Variants in FHIT observed in about 807,000 individuals in gnomAD.
The protein encoded by FHIT is bis(5'-adenosyl)-triphosphatase.
FHIT carries 19 observed loss-of-function variants against 17.9 expected under a neutral mutation model. That is an observed-to-expected ratio of 1.06 (90% confidence interval 0.74 to 1.56). FHIT has a LOEUF of 1.56. FHIT is among the 40% of genes most tolerant of loss of function. FHIT has a pLI of 0.00. For missense variants in FHIT, 248 were observed against 189.2 expected (o/e 1.31, Z -1.82); for synonymous variants, 81 against 69.7 (o/e 1.16, Z -0.81).
intron 2 of FHIT, among the ~76,000 whole-genome samples, chr3:61,104,154 T>A (rs1279400810): frequency 6.6e-6 from 1 of 152,062 alleles, no homozygotes; most frequent in African/African-American, 2.4e-5. Context: ...GTGGTTGTTT[T>A]ATAGTGTCAC....
chr3:60,299,955 C>T (rs1037143825), intron 5 of FHIT, among the ~76,000 whole-genome samples: 2 of 152,076 alleles, frequency 1.3e-5, no homozygotes, highest in Admixed American at 1.3e-4. Context: ...AGTCCTTCAC[C>T]TACAGTGAGC....
At chr3:60,557,954 G>A (rs1313036790) in intron 4 of FHIT, among the ~76,000 whole-genome samples, 2 of 151,990 alleles carry the variant, frequency 1.3e-5, no homozygotes, top group Non-Finnish European at 2.9e-5. Context: ...GCAAAAATGA[G>A]GAAGGACCAT....
chr3:60,763,823 T>C (rs1283643591), intron 4 of FHIT, among the ~76,000 whole-genome samples: 2 of 152,218 alleles, frequency 1.3e-5, no homozygotes, highest in East Asian at 1.9e-4. Flanking sequence ...AGTGGAAGAA[T>C]GTTTCATATC....
intron 5 of FHIT, among the ~76,000 whole-genome samples, chr3:60,439,757 G>A (rs2030625141): frequency 1.3e-5 from 2 of 152,114 alleles, no homozygotes; most frequent in African/African-American, 2.4e-5. Context: ...AAGAGCAGAA[G>A]TGCAGGCATA....
chr3:60,846,855 G>A (rs138283743), intron 3 of FHIT, among the ~76,000 whole-genome samples: 4,154 of 151,306 alleles, frequency 0.027, 164 homozygotes, highest in African/African-American at 0.095. Context: ...ATGGAGTCTT[G>A]CTCTGTCGCC....
intron 3 of FHIT, among the ~76,000 whole-genome samples, chr3:60,865,841 T>C (rs1559786190): frequency 6.6e-6 from 1 of 152,200 alleles, no homozygotes; most frequent in African/African-American, 2.4e-5. Flanking sequence ...GTAGCTCTAC[T>C]GCTGCTTAGA....
chr3:59,765,352 T>A (rs901768526), intron 8 of FHIT, among the ~76,000 whole-genome samples: 8 of 152,216 alleles, frequency 5.3e-5, no homozygotes, highest in Non-Finnish European at 1.2e-4. Context: ...TTGACACAGA[T>A]CTTTAAAACT....
intron 5 of FHIT, among the ~76,000 whole-genome samples, chr3:60,233,826 C>T (rs1034005811): frequency 6.6e-6 from 1 of 151,996 alleles, no homozygotes; most frequent in Non-Finnish European, 1.5e-5. Context: ...GAAGGGGAGT[C>T]CCCCTGTACA....
At chr3:60,803,547 G>C (rs1701274033) in intron 4 of FHIT, among the ~76,000 whole-genome samples, 1 of 152,142 alleles carries the variant, frequency 6.6e-6, no homozygotes. Flanking sequence ...ATAAGCAATT[G>C]GATGAGAAAG....
At chr3:60,229,943 C>T (rs982036039) in intron 5 of FHIT, among the ~76,000 whole-genome samples, 1 of 152,178 alleles carries the variant, frequency 6.6e-6, no homozygotes, top group Non-Finnish European at 1.5e-5. Context: ...GATTGTGCCA[C>T]TGCACTCCAG....
chr3:60,194,440 G>C (rs901358989), intron 5 of FHIT, among the ~76,000 whole-genome samples: 3 of 152,080 alleles, frequency 2.0e-5, no homozygotes, highest in African/African-American at 7.2e-5. Flanking sequence ...ATCAACTCAA[G>C]AGGGATTAAA....
At chr3:60,701,675 GTGATGT>G (rs1315787778) in intron 4 of FHIT, among the ~76,000 whole-genome samples, 4 of 152,150 alleles carry the variant, frequency 2.6e-5, no homozygotes, top group Non-Finnish European at 5.9e-5. Context: ...TTTTCCAATA[GTGATGT>G]TTCCCTGTGG....
intron 3 of FHIT, among the ~76,000 whole-genome samples, chr3:60,888,929 A>T (rs573816750): frequency 2.0e-5 from 3 of 152,332 alleles, no homozygotes; most frequent in East Asian, 1.9e-4. Flanking sequence ...ACCATGTTAG[A>T]TATAAGTTCT....
At chr3:60,399,435 G>C (rs1236942982) in intron 5 of FHIT, among the ~76,000 whole-genome samples, 1 of 152,110 alleles carries the variant, frequency 6.6e-6, no homozygotes, top group East Asian at 1.9e-4. Context: ...CTCCCATAAT[G>C]ACTGCCATGG....
At chr3:60,145,084 C>A (rs937446958) in intron 5 of FHIT, among the ~76,000 whole-genome samples, 2 of 152,098 alleles carry the variant, frequency 1.3e-5, no homozygotes, top group African/African-American at 4.8e-5. Context: ...CTCAGTATTC[C>A]CCTTCAACTA....
chr3:60,174,852 CG>C (rs1451938004), intron 5 of FHIT, among the ~76,000 whole-genome samples: 1 of 151,998 alleles, frequency 6.6e-6, no homozygotes, highest in African/African-American at 2.4e-5. Context: ...AAATGACCAA[CG>C]TGCTTTCTGT....
At chr3:61,085,814 T>C (rs2035288683) in intron 2 of FHIT, among the ~76,000 whole-genome samples, 1 of 152,284 alleles carries the variant, frequency 6.6e-6, no homozygotes, top group South Asian at 2.1e-4. Context: ...TACAGGCTAA[T>C]TTTTGGATAA....
intron 7 of FHIT, among the ~76,000 whole-genome samples, chr3:59,948,371 G>T (rs1231139563): frequency 7.5e-6 from 1 of 132,978 alleles, no homozygotes; most frequent in Non-Finnish European, 1.6e-5. Context: ...AAAAAAATTA[G>T]CCGGGCATAG....
intron 4 of FHIT, among the ~76,000 whole-genome samples, chr3:60,595,574 T>C (rs2038239662): frequency 1.3e-5 from 2 of 151,454 alleles, no homozygotes; most frequent in South Asian, 4.2e-4. Context: ...TGTATATATA[T>C]ATACGCACAT....
Sources: gnomAD v4.1 joint callset for allele counts (sites outside exome capture counted in the v4.1 genomes callset) on GRCh38, gnomAD v4.1.1 for gene constraint, MANE v1.5 for transcripts, NCBI Gene and HGNC (gene_info 2026-07-23, HGNC 2026-07-21) for gene names.